Variants in ARHGAP24 observed in about 807,000 individuals in gnomAD.
ARHGAP24 encodes the protein rho GTPase-activating protein 24.
A neutral mutation model predicts 76.4 loss-of-function variants in ARHGAP24; 50 were observed. The ratio of observed to expected loss-of-function variants is 0.65; its 90% CI spans 0.52 to 0.83. The LOEUF is 0.83. Ranked by LOEUF, ARHGAP24 falls within the 40% of genes least tolerant of loss-of-function variation. The probability of loss-of-function intolerance (pLI) is 0.00; values close to 1 mark genes in which losing one functional copy is unlikely to be tolerated. For synonymous variants in ARHGAP24, 345 were observed against 323.3 expected, an observed-to-expected ratio of 1.07 and a Z score of -0.72; for missense variants, 930 against 914.2, an observed-to-expected ratio of 1.02 and a Z score of -0.22.
In ARHGAP24 at chr4:85,995,099, T is replaced by TG; in HGVS notation, c.1446dup (p.Arg483AlafsTer32). On this transcript the variant is annotated frameshift_variant, in exon 9 of 10. Transcript: ENST00000395184. LOFTEE classifies it high-confidence loss of function. ...ACGCACAGTGTACAGAATGGAACGG[T>TG]GCGCATGGGCATTTTGAACAGCGAC... is the stretch of plus-strand genomic sequence containing the variant. The TG allele has an allele frequency of 6.2e-7, 1 of 1,613,988 alleles. No individual in the cohort carries two copies.
intron 1 of ARHGAP24, among the ~76,000 whole-genome samples, chr4:85,569,593 A>G (rs1198751556): frequency 1.3e-5 from 2 of 152,218 alleles, no homozygotes; most frequent in African/African-American, 4.8e-5. Flanking sequence ...ATTCCTCATC[A>G]TGTCATGACT....
chr4:85,775,197 G>A (rs1392933361), intron 3 of ARHGAP24, among the ~76,000 whole-genome samples: 4 of 144,732 alleles, frequency 2.8e-5, no homozygotes, highest in African/African-American at 1.0e-4. Context: ...AGAGTGGTCG[G>A]GAAATCTTCT....
At chr4:85,824,787 G>GTGTTTGAGAAACTAAATACCCGGCC (rs1729634892) in intron 3 of ARHGAP24, among the ~76,000 whole-genome samples, 1 of 152,144 alleles carries the variant, frequency 6.6e-6, no homozygotes, top group Non-Finnish European at 1.5e-5. Context: ...ACTAGCAGTA[G>GTGTTTGAGAAACTAAATACCCGGCC]TGTTTGAGAA....
chr4:85,607,249 C>T (rs1044293360), intron 2 of ARHGAP24, among the ~76,000 whole-genome samples: 2 of 152,088 alleles, frequency 1.3e-5, no homozygotes, highest in South Asian at 2.1e-4. Context: ...GATCAACATT[C>T]GCTATAGAGA....
chr4:85,923,550 G>A, intron 3 of ARHGAP24, 98 bp from the exon 4 acceptor site: 1 of 1,538,852 alleles, frequency 6.5e-7, no homozygotes, highest in Non-Finnish European at 8.9e-7. Context: ...AGTGCGGGCT[G>A]TATTAGGCAC....
intron 3 of ARHGAP24, chr4:85,827,872 C>T (rs1465584690): frequency 2.3e-6 from 3 of 1,284,874 alleles, no homozygotes; most frequent in Admixed American, 4.6e-5. Flanking sequence ...GAGTTGGGCT[C>T]GAATGTGCTT....
At chr4:85,696,654 A>C (rs1344407979) in intron 2 of ARHGAP24, among the ~76,000 whole-genome samples, 1 of 152,222 alleles carries the variant, frequency 6.6e-6, no homozygotes, top group Non-Finnish European at 1.5e-5. Flanking sequence ...ATCAAATGGC[A>C]ATTTAGTTTG....
chr4:85,579,325 A>G (rs1311592246), intron 2 of ARHGAP24, among the ~76,000 whole-genome samples: 1 of 152,204 alleles, frequency 6.6e-6, no homozygotes, highest in East Asian at 1.9e-4. Flanking sequence ...GAAAATTTCC[A>G]TTATACCAAC....
rs578028889 is a variant in ARHGAP24 at position 85,547,086 on chromosome 4, C to A, written c.-20-23436C>A. Among the ~76,000 whole-genome samples, 3 of 152,216 alleles carry A rather than the reference C, an allele frequency of 2.0e-5. No individual in the cohort carries two copies. The South Asian group carries it at 6.2e-4, about 32-fold the overall frequency. ...AAATGTAACATGAATACAATATTAT[C>A]TATTCCACAGTTTATATTCACATTT... On this transcript the variant is annotated intron_variant, in intron 1 of 9. Coordinates refer to ENST00000395184, the MANE Select transcript of ARHGAP24 (RefSeq NM_001025616.3).
At chr4:85,794,044 T>C (rs1728239374) in intron 3 of ARHGAP24, among the ~76,000 whole-genome samples, 2 of 152,204 alleles carry the variant, frequency 1.3e-5, no homozygotes, top group South Asian at 2.1e-4. Flanking sequence ...TCAGAGGAAA[T>C]GGCTTAATCA....
intron 3 of ARHGAP24, among the ~76,000 whole-genome samples, chr4:85,788,247 T>A (rs1012789980): frequency 6.6e-6 from 1 of 152,126 alleles, no homozygotes; most frequent in Non-Finnish European, 1.5e-5. Context: ...ATAAAGAAAG[T>A]AAGTTAATCA....
In ARHGAP24 at chr4:85,809,293, ACT is replaced by A. The variant is rs35982107; in HGVS notation, c.268+87324_268+87325del. On this transcript the variant is annotated intron_variant, in intron 3 of 9. Coordinates refer to ENST00000395184, the MANE Select transcript of ARHGAP24 (RefSeq NM_001025616.3). ...TGAGTGCAAATTAAAAAACAAGTGA[ACT>A]CTTCCATTTAAATAGATGGAGAATA... 9.1e-3 allele frequency among the ~76,000 whole-genome samples: 1,383 copies of A among 152,246 alleles called. 18 individuals are homozygous for A. The highest frequency in any genetic ancestry group is 0.031 in the African/African-American group (1,297 of 41,546).
chr4:85,778,688 C>T lies in ARHGAP24; in HGVS notation c.268+56716C>T, dbSNP rs967000976. 9.1e-6 allele frequency: 9 copies of T among 985,020 alleles called. No homozygotes were observed. In the African/African-American group the frequency reaches 1.6e-4, roughly 17 times the overall value. 61.0% of individuals were successfully genotyped at this position (985,020 alleles called of 1,614,324 possible). On this transcript the variant is annotated intron_variant, in intron 3 of 9. Transcript: ENST00000395184. The stretch of plus-strand genomic sequence containing the variant: ...TGTAGGTTTTTTTTCCCCTCTCTGT[C>T]TCTTTCTTCAATATATGGGATGGGA...
intron 2 of ARHGAP24, among the ~76,000 whole-genome samples, chr4:85,678,908 A>C (rs898959093): frequency 2.0e-5 from 3 of 152,220 alleles, no homozygotes; most frequent in African/African-American, 7.2e-5. Flanking sequence ...TGTAGGGGCC[A>C]AGGGAAAATT....
At chr4:85,556,389 G>A (rs1189658255) in intron 1 of ARHGAP24, among the ~76,000 whole-genome samples, 6 of 152,156 alleles carry the variant, frequency 3.9e-5, no homozygotes, top group Admixed American at 2.0e-4. Context: ...ACCCCTGCCT[G>A]GTGAAGAGTG....
intron 5 of ARHGAP24, among the ~76,000 whole-genome samples, chr4:85,948,217 A>G (rs1365445098): frequency 6.6e-6 from 1 of 152,184 alleles, no homozygotes; most frequent in Admixed American, 6.5e-5. Context: ...ACAACATAAA[A>G]ACAATGACTT....
intron 3 of ARHGAP24, among the ~76,000 whole-genome samples, chr4:85,776,533 A>G (rs752931802): frequency 2.0e-5 from 3 of 152,278 alleles, no homozygotes; most frequent in Non-Finnish European, 2.9e-5. Context: ...TTCCCTTCCA[A>G]TGGGTAGAGA....
At chr4:85,629,234 C>T (rs1012059130) in intron 2 of ARHGAP24, among the ~76,000 whole-genome samples, 6 of 152,156 alleles carry the variant, frequency 3.9e-5, no homozygotes, top group Non-Finnish European at 1.5e-5. Context: ...ATACAAAAAT[C>T]TTTATACTTT....
intron 7 of ARHGAP24, among the ~76,000 whole-genome samples, chr4:85,975,197 T>C (rs1739251431): frequency 6.6e-6 from 1 of 152,226 alleles, no homozygotes; most frequent in Non-Finnish European, 1.5e-5. Context: ...AGATAGGTTG[T>C]TTTGAACTTC....
Sources: allele counts gnomAD v4.1 joint callset (sites outside exome capture counted in the v4.1 genomes callset), GRCh38; gene constraint gnomAD v4.1.1; transcripts MANE v1.5; gene names NCBI Gene and HGNC (gene_info 2026-07-23, HGNC 2026-07-21).